The following PIP4P2 variants were observed in gnomAD, a reference collection of about 807,000 sequenced individuals.
PIP4P2 encodes the protein phosphatidylinositol-4,5-bisphosphate 4-phosphatase 2.
A neutral mutation model predicts 33.3 loss-of-function variants in PIP4P2; 19 were observed. That is an observed-to-expected ratio of 0.57 (90% CI 0.40 to 0.84). The LOEUF is 0.84. Ranked by LOEUF, PIP4P2 falls within the 40% of genes least tolerant of loss-of-function variation. The pLI is 0.00. For missense variants in PIP4P2, 270 were observed against 324.7 expected, an observed-to-expected ratio of 0.83 and a Z score of 1.29; for synonymous variants, 110 against 111.9, an observed-to-expected ratio of 0.98 and a Z score of 0.11.
At chr8:91,025,588 C>A (rs1812071665) in intron 1 of PIP4P2, among the ~76,000 whole-genome samples, 1 of 152,166 alleles carries the variant, frequency 6.6e-6, no homozygotes, top group African/African-American at 2.4e-5. Context: ...CAGTTTAATT[C>A]ACTTACTACA....
At chr8:91,040,394 T>TCACCAC (rs58332755) in intron 1 of PIP4P2, among the ~76,000 whole-genome samples, 9 of 149,778 alleles carry the variant, frequency 6.0e-5, no homozygotes, top group East Asian at 3.9e-4. Context: ...ACACACACCA[T>TCACCAC]CACCACCACC....
At chr8:91,014,758 GACACACACACACACACACACACAC>G (rs142952434) in intron 4 of PIP4P2, among the ~76,000 whole-genome samples, 1 of 142,652 alleles carries the variant, frequency 7.0e-6, no homozygotes, top group Non-Finnish European at 1.5e-5. Flanking sequence ...TTACCACAAA[GACACACACACACACACACACACAC>G]ACACACACAC....
intron 5 of PIP4P2, among the ~76,000 whole-genome samples, chr8:91,007,069 T>C (rs1811773771): frequency 6.6e-6 from 1 of 152,178 alleles, no homozygotes; most frequent in Admixed American, 6.5e-5. Flanking sequence ...TACATTTTCG[T>C]GAAAATACAC....
rs568670814 is a variant in PIP4P2, at chr8:91,000,833, CTTTA to C, written c.540-4093_540-4090del. Among the ~76,000 whole-genome samples, 439 of 151,970 alleles carry C rather than the reference CTTTA, an allele frequency of 2.9e-3. 4 individuals are homozygous for C. The highest frequency in any genetic ancestry group is 0.017 in the Middle Eastern group (5 of 294). On this transcript the variant is annotated intron_variant, in intron 5 of 6. Transcript: ENST00000285419. Reference sequence around the variant, plus strand: ...ATCTCCTAAAATGCCATATCCCATTCTTTATTTGTTCCTTCCAGATCAGATATAT... The same window carrying C: ...ATCTCCTAAAATGCCATATCCCATTCTTTGTTCCTTCCAGATCAGATATAT...
intron 5 of PIP4P2, 82 bp from the exon 6 acceptor site, chr8:90,996,826 G>A: frequency 1.8e-6 from 2 of 1,083,024 alleles, no homozygotes; most frequent in Non-Finnish European, 2.7e-6. Context: ...TCTTATCTAT[G>A]GCTTTAGTAA....
intron 1 of PIP4P2, among the ~76,000 whole-genome samples, chr8:91,024,045 G>A (rs370219725): frequency 1.3e-5 from 2 of 152,076 alleles, no homozygotes; most frequent in African/African-American, 2.4e-5. Context: ...TTATATAGAA[G>A]ACAACTCTCT....
At chr8:91,004,380 T>A (rs191078529) in intron 5 of PIP4P2, among the ~76,000 whole-genome samples, 104 of 152,168 alleles carry the variant, frequency 6.8e-4, no homozygotes, top group African/African-American at 2.5e-3. Context: ...TGAGGGCAGA[T>A]CTTCTCCATT....
chr8:91,037,747 T>C (rs1429870927), intron 1 of PIP4P2, among the ~76,000 whole-genome samples: 1 of 152,172 alleles, frequency 6.6e-6, no homozygotes, highest in African/African-American at 2.4e-5. Context: ...TATAATCCCA[T>C]TTCCATATTG....
Position 91,040,827 on chromosome 8 carries a change from T to G in PIP4P2, c.-78A>C, listed in dbSNP as rs571333011. The G allele has an allele frequency of 1.2e-3, 1,578 of 1,332,738 alleles. 3 individuals are homozygous for G. The highest frequency in any genetic ancestry group is 2.1e-3 in the African/African-American group (140 of 67,114). 82.6% of individuals were successfully genotyped at this position (1,332,738 alleles called of 1,614,324 possible). On this transcript the variant is annotated 5_prime_UTR_variant, in exon 1 of 7. Coordinates refer to ENST00000285419, the MANE Select transcript of PIP4P2 (RefSeq NM_018710.3). ...CGGAGTGGTGGCTACTGCTGCTGCC[T>G]CTGCTGCCGCTGCTGCCGCTGCAGC...
At chr8:91,033,998 A>T (rs1471897256) in intron 1 of PIP4P2, among the ~76,000 whole-genome samples, 1 of 151,498 alleles carries the variant, frequency 6.6e-6, no homozygotes, top group Non-Finnish European at 1.5e-5. Context: ...CGTTGCCTGG[A>T]GCACTCTTTC....
intron 1 of PIP4P2, among the ~76,000 whole-genome samples, chr8:91,038,167 A>G (rs751430222): frequency 6.6e-6 from 1 of 152,204 alleles, no homozygotes; most frequent in Non-Finnish European, 1.5e-5. Context: ...TCCCTGCTAC[A>G]TTATTAATAA....
chr8:91,032,935 C>T (rs1354107116), intron 1 of PIP4P2, among the ~76,000 whole-genome samples: 2 of 152,172 alleles, frequency 1.3e-5, no homozygotes, highest in Non-Finnish European at 2.9e-5. Flanking sequence ...TTATGAACAT[C>T]CCTCCTGTTA....
rs565584976 is a variant in PIP4P2, at chr8:91,040,546, C to T, written c.106+98G>A. On this transcript the variant is annotated intron_variant, in intron 1 of 6. Coordinates refer to ENST00000285419, the MANE Select transcript of PIP4P2 (RefSeq NM_018710.3). ...TCCTCAGCCCAAGCGAGAGGCTCAC[C>T]TCCACCTCCAAGCTAGAGCTCCCAG... 3 of 1,403,406 alleles carry T rather than the reference C, an allele frequency of 2.1e-6. No homozygotes were observed. In the South Asian group the frequency reaches 3.6e-5, roughly 17 times the overall value. 86.9% of individuals were successfully genotyped at this position (1,403,406 alleles called of 1,614,324 possible).
intron 1 of PIP4P2, among the ~76,000 whole-genome samples, chr8:91,028,432 T>TTAC (rs1236183037): frequency 1.3e-5 from 2 of 152,158 alleles, no homozygotes; most frequent in Non-Finnish European, 2.9e-5. Context: ...GGTTCAGGAA[T>TTAC]TACTAGAAAC....
intron 3 of PIP4P2, among the ~76,000 whole-genome samples, chr8:91,019,415 AAAAAAAAAAT>A (rs1811968556): frequency 6.8e-6 from 1 of 146,246 alleles, no homozygotes; most frequent in Non-Finnish European, 1.5e-5. Context: ...AAAAAAAAAA[AAAAAAAAAAT>A]ATATTACCTG....
At chr8:91,036,231 T>C (rs1812230022) in intron 1 of PIP4P2, among the ~76,000 whole-genome samples, 1 of 151,788 alleles carries the variant, frequency 6.6e-6, no homozygotes, top group African/African-American at 2.4e-5. Context: ...AAACGAGGAC[T>C]AAGAAGAGAT....
rs570531641 is a variant in PIP4P2 at position 91,003,965 on chromosome 8, A to G, written c.539+4778T>C. ...ACCAACAGGAGATAGATAGATAGAT[A>G]GATAGATAGATAGATAGATAGATAG... is the stretch of plus-strand genomic sequence containing the variant. On this transcript the variant is annotated intron_variant, in intron 5 of 6. Coordinates refer to ENST00000285419, the MANE Select transcript of PIP4P2 (RefSeq NM_018710.3). Among the ~76,000 whole-genome samples the G allele has an allele frequency of 4.0e-5, 6 of 150,822 alleles. No homozygotes were observed. In the South Asian group the frequency reaches 1.3e-3, roughly 32 times the overall value.
chr8:91,033,975 T>A (rs994078147), intron 1 of PIP4P2, among the ~76,000 whole-genome samples: 4 of 152,158 alleles, frequency 2.6e-5, no homozygotes, highest in South Asian at 2.1e-4. Flanking sequence ...GCAAGTGTTA[T>A]ACTTGCTGTT....
chr8:91,026,381 T>C (rs909840523), intron 1 of PIP4P2, among the ~76,000 whole-genome samples: 7 of 152,096 alleles, frequency 4.6e-5, no homozygotes, highest in African/African-American at 1.7e-4. Context: ...AAATAGCCAG[T>C]GCTCCTTCCC....
Sources: allele counts gnomAD v4.1 joint callset (sites outside exome capture counted in the v4.1 genomes callset), GRCh38; gene constraint gnomAD v4.1.1; transcripts MANE v1.5; gene names NCBI Gene and HGNC (gene_info 2026-07-23, HGNC 2026-07-21).